NAALADL2: variants seen among roughly 807,000 people sequenced by gnomAD.
NAALADL2 encodes inactive N-acetylated-alpha-linked acidic dipeptidase-like protein 2.
Under a neutral mutation model 87.2 loss-of-function variants are expected in NAALADL2, and 76 were observed. The ratio of observed to expected loss-of-function variants is 0.87; its 90% CI spans 0.72 to 1.05. NAALADL2 has a LOEUF of 1.05. Among genes scored for constraint, NAALADL2 ranks in the 50% least tolerant of loss-of-function variants. The pLI is 0.00. For synonymous variants in NAALADL2, 354 were observed against 331.0 expected, an observed-to-expected ratio of 1.07 and a Z score of -0.75; for missense variants, 1,089 against 945.8, an observed-to-expected ratio of 1.15 and a Z score of -1.99.
chr3:175,520,223 T>A (rs996180016), intron 9 of NAALADL2, among the ~76,000 whole-genome samples: 2 of 151,638 alleles, frequency 1.3e-5, no homozygotes, highest in African/African-American at 2.4e-5. Context: ...AGTCACTCAA[T>A]CTTTCACTAT....
chr3:174,771,771 A>C (rs1333145451), intron 3 of NAALADL2, among the ~76,000 whole-genome samples: 9 of 152,222 alleles, frequency 5.9e-5, no homozygotes, highest in African/African-American at 2.2e-4. Context: ...GATTATTGTA[A>C]GAATACAAGG....
chr3:174,588,265 A>G (rs1716949194), intron 2 of NAALADL2, among the ~76,000 whole-genome samples: 1 of 152,212 alleles, frequency 6.6e-6, no homozygotes, highest in Non-Finnish European at 1.5e-5. Context: ...CTAGTTAGCC[A>G]TTCCTCTAAT....
At chr3:175,431,815 T>C (rs1717806706) in intron 5 of NAALADL2, among the ~76,000 whole-genome samples, 1 of 152,076 alleles carries the variant, frequency 6.6e-6, no homozygotes, top group South Asian at 2.1e-4. Flanking sequence ...CAGGCAAGTC[T>C]TCCTACTGAA....
chr3:175,539,711 G>A (rs1351173423), intron 9 of NAALADL2, among the ~76,000 whole-genome samples: 2 of 152,018 alleles, frequency 1.3e-5, no homozygotes, highest in Non-Finnish European at 2.9e-5. Context: ...TGGTAAATTG[G>A]GGCAGATTGT....
chr3:175,628,609 C>CTATGTGTATATATATATATATATA (rs10663163), intron 11 of NAALADL2, among the ~76,000 whole-genome samples: 15 of 132,246 alleles, frequency 1.1e-4, no homozygotes, highest in African/African-American at 4.4e-4. Flanking sequence ...AATAATCTCT[C>CTATGTGTATATATATATATATATA]TCTCTATGTA....
At position 174,571,241 on chromosome 3, in the gene NAALADL2, A is replaced by T. The variant is rs1261138676; in HGVS notation, c.-115+20604A>T. On this transcript the variant is annotated intron_variant, in intron 2 of 3. Transcript: ENST00000434257. Reference sequence around the variant, plus strand: ...TGTTAATATTATCTGATTTTAGGCTAAAAATTGGGGTAAACTAAAAAACAG... The same window carrying T: ...TGTTAATATTATCTGATTTTAGGCTTAAAATTGGGGTAAACTAAAAAACAG... 5.3e-5 allele frequency among the ~76,000 whole-genome samples: 8 copies of T among 152,324 alleles called. No homozygotes were observed. The East Asian group carries it at 1.5e-3, about 29-fold the overall frequency.
chr3:175,781,783 C>T (rs548027435), intron 13 of NAALADL2, among the ~76,000 whole-genome samples: 4 of 151,466 alleles, frequency 2.6e-5, no homozygotes, highest in African/African-American at 9.7e-5. Flanking sequence ...CATATGTATA[C>T]ATGTGCCATG....
chr3:175,677,127 G>A (rs2149867092), intron 11 of NAALADL2, among the ~76,000 whole-genome samples: 1 of 152,222 alleles, frequency 6.6e-6, no homozygotes, highest in South Asian at 2.1e-4. Context: ...CACTTTGGGA[G>A]GCTGAGGTGG....
chr3:174,891,565 C>A (rs1560330868), intron 1 of NAALADL2, among the ~76,000 whole-genome samples: 1 of 152,090 alleles, frequency 6.6e-6, no homozygotes, highest in African/African-American at 2.4e-5. Context: ...CAGACCCAGA[C>A]CAAACTCAGC....
chr3:175,291,666 A>G (rs1319211077), intron 4 of NAALADL2, among the ~76,000 whole-genome samples: 2 of 152,170 alleles, frequency 1.3e-5, no homozygotes, highest in Non-Finnish European at 2.9e-5. Flanking sequence ...TAAGAGCTTT[A>G]CCCCAAGGAA....
chr3:175,310,180 C>A (rs943049359), intron 4 of NAALADL2, among the ~76,000 whole-genome samples: 3 of 152,096 alleles, frequency 2.0e-5, no homozygotes, highest in African/African-American at 7.2e-5. Flanking sequence ...TTATACCCAC[C>A]AGCCTTGGAG....
In NAALADL2 at chr3:175,037,075, C is replaced by T. The variant is rs367921550; in HGVS notation, c.44-59715C>T. ...TTGGGCCTCCTTTAACTACGTTTCT[C>T]ACCCATGAAGTCAAACAAGGCTAAA... is the stretch of plus-strand genomic sequence containing the variant. On this transcript the variant is annotated intron_variant, in intron 1 of 13. Coordinates refer to ENST00000454872, the MANE Select transcript of NAALADL2 (RefSeq NM_207015.3). Among the ~76,000 whole-genome samples, 16 of 152,172 alleles carry T rather than the reference C, an allele frequency of 1.1e-4. No individual in the cohort carries two copies. In the East Asian group the frequency reaches 2.1e-3, roughly 20 times the overall value.
chr3:175,139,038 TC>T (rs1319178243), intron 2 of NAALADL2, among the ~76,000 whole-genome samples: 1 of 151,262 alleles, frequency 6.6e-6, no homozygotes, highest in Non-Finnish European at 1.5e-5. Context: ...GAAATATTTT[TC>T]TTTCTTTGAA....
chr3:174,901,794 T>C (rs1732341183), intron 1 of NAALADL2, among the ~76,000 whole-genome samples: 1 of 152,190 alleles, frequency 6.6e-6, no homozygotes, highest in Admixed American at 6.5e-5. Context: ...CCAATGATCA[T>C]GAGCACTAAT....
At chr3:174,875,415 T>G (rs535106894) in intron 1 of NAALADL2, among the ~76,000 whole-genome samples, 65 of 152,262 alleles carry the variant, frequency 4.3e-4, no homozygotes, top group African/African-American at 1.6e-3. Flanking sequence ...GAATATGGAC[T>G]TCTAGTATGA....
chr3:175,545,058 C>T (rs1489213285), intron 9 of NAALADL2, among the ~76,000 whole-genome samples: 1 of 152,094 alleles, frequency 6.6e-6, no homozygotes. Flanking sequence ...CAACAAAATT[C>T]AAGTATTGTC....
intron 10 of NAALADL2, among the ~76,000 whole-genome samples, chr3:175,619,569 A>G (rs1210312155): frequency 2.0e-5 from 3 of 152,042 alleles, no homozygotes; most frequent in Admixed American, 6.5e-5. Flanking sequence ...AAGGGAAAGA[A>G]AACTCTCAAT....
rs181167587 is a variant in NAALADL2, at chr3:174,982,138, A to G, written c.44-114652A>G. Among the ~76,000 whole-genome samples the G allele has an allele frequency of 2.6e-5, 4 of 152,278 alleles. No individual in the cohort carries two copies. The East Asian group carries it at 5.8e-4, about 22-fold the overall frequency. On this transcript the variant is annotated intron_variant, in intron 1 of 13. Coordinates refer to ENST00000454872, the MANE Select transcript of NAALADL2 (RefSeq NM_207015.3). ...CATACAACCAGAACCCACTTCAACA[A>G]CATCAGTTCCATGGGGGACAAATGT... is the stretch of plus-strand genomic sequence containing the variant.
chr3:174,710,829 C>G (rs1472520982), intron 2 of NAALADL2, among the ~76,000 whole-genome samples: 2 of 152,106 alleles, frequency 1.3e-5, no homozygotes, highest in Non-Finnish European at 2.9e-5. Flanking sequence ...CTAGAGCTTA[C>G]AGAGAATTAC....
Sources: gnomAD v4.1 joint callset for allele counts (sites outside exome capture counted in the v4.1 genomes callset) on GRCh38, gnomAD v4.1.1 for gene constraint, MANE v1.5 for transcripts, NCBI Gene and HGNC (gene_info 2026-07-23, HGNC 2026-07-21) for gene names.